GAB4: variants seen among roughly 807,000 people sequenced by gnomAD.
The protein encoded by GAB4 is GRB2 associated binding protein family member 4, also known as GRB2-associated-binding protein 4.
Under a neutral mutation model 51.3 loss-of-function variants are expected in GAB4, and 26 were observed. The observed-to-expected ratio is 0.51, with a 90% CI of 0.37 to 0.70. The LOEUF is 0.70. Among genes scored for constraint, GAB4 ranks in the 30% least tolerant of loss-of-function variants. GAB4 has a pLI of 0.00. For synonymous variants in GAB4, 329 were observed against 291.2 expected, an observed-to-expected ratio of 1.13 and a Z score of -1.32; for missense variants, 759 against 734.6, an observed-to-expected ratio of 1.03 and a Z score of -0.38.
At chr22:16,969,597 G>C in intron 4 of GAB4, 1 of 538,370 alleles carries the variant, frequency 1.9e-6, no homozygotes, top group Non-Finnish European at 3.3e-6. Flanking sequence ...GGGTCTCAGT[G>C]AGGGCTCATA....
At chr22:16,977,632 C>G (rs539899502) in intron 3 of GAB4, among the ~76,000 whole-genome samples, 17 of 152,278 alleles carry the variant, frequency 1.1e-4, no homozygotes, top group African/African-American at 3.9e-4. Context: ...AGAAAATTAA[C>G]AAGGATATTC....
At position 16,962,480 on chromosome 22, in the gene GAB4, G is replaced by T. The variant is rs80020649; in HGVS notation, c.*253C>A. 15 of 355,946 alleles carry T rather than the reference G, an allele frequency of 4.2e-5. No individual in the cohort carries two copies. The Admixed American group carries it at 4.3e-4, about 10-fold the overall frequency. 22.0% of individuals were successfully genotyped at this position (355,946 alleles called of 1,614,324 possible). ...TGAGTAAGTGTGAGAGTGGAAATCT[G>T]TTGGGAGCCCGGGTCTGAGGGGCAG... is the stretch of plus-strand genomic sequence containing the variant. On this transcript the variant is annotated 3_prime_UTR_variant, in exon 10 of 10. Transcript: ENST00000400588.
At chr22:16,994,103 C>T (rs2060933278) in intron 1 of GAB4, among the ~76,000 whole-genome samples, 1 of 152,164 alleles carries the variant, frequency 6.6e-6, no homozygotes, top group Admixed American at 6.5e-5. Context: ...CATTCTCTTC[C>T]AACTATGGCC....
intron 1 of GAB4, among the ~76,000 whole-genome samples, chr22:16,997,088 G>A (rs996866308): frequency 6.6e-6 from 1 of 152,058 alleles, no homozygotes; most frequent in African/African-American, 2.4e-5. Flanking sequence ...ATTGTGAATA[G>A]TGCCGCAATA....
chr22:16,971,442 T>C (rs943500997), intron 3 of GAB4, among the ~76,000 whole-genome samples: 1 of 152,260 alleles, frequency 6.6e-6, no homozygotes, highest in Admixed American at 6.5e-5. Context: ...TTCTACGTTC[T>C]GTGTGGGCGC....
intron 8 of GAB4, among the ~76,000 whole-genome samples, chr22:16,964,231 G>T (rs987214157): frequency 7.2e-5 from 11 of 152,202 alleles, no homozygotes; most frequent in African/African-American, 2.7e-4. Flanking sequence ...CACCTTGCTG[G>T]GACATTCCTG....
At chr22:16,983,170 C>T (rs1339951430) in intron 3 of GAB4, among the ~76,000 whole-genome samples, 2 of 124,066 alleles carry the variant, frequency 1.6e-5, no homozygotes, top group Non-Finnish European at 3.6e-5. Flanking sequence ...TGATGCATCA[C>T]TACCTTTCAA....
At chr22:16,976,008 A>G (rs1264679059) in intron 3 of GAB4, among the ~76,000 whole-genome samples, 2 of 152,218 alleles carry the variant, frequency 1.3e-5, no homozygotes, top group Non-Finnish European at 2.9e-5. Context: ...ACATCCACAC[A>G]AAAACCCTAT....
intron 1 of GAB4, among the ~76,000 whole-genome samples, chr22:16,994,649 C>T (rs1362934748): frequency 6.6e-6 from 1 of 152,182 alleles, no homozygotes; most frequent in Non-Finnish European, 1.5e-5. Flanking sequence ...TGTGATCTTG[C>T]TATATTCACC....
rs370222943 is a variant in GAB4, at chr22:16,968,490, A to C, written c.938-107T>G. The C allele has an allele frequency of 3.6e-4, 275 of 766,408 alleles. 1 individual carries two copies. The African/African-American group carries it at 4.0e-3, about 11-fold the overall frequency. 47.5% of individuals were successfully genotyped at this position (766,408 alleles called of 1,614,324 possible). A position where few individuals can be genotyped will look rare whatever the true frequency, so the allele number is the denominator to read the frequency against. On this transcript the variant is annotated intron_variant, in intron 4 of 9. Coordinates refer to ENST00000400588, the MANE Select transcript of GAB4 (RefSeq NM_001037814.1). ...GGGTCTCGCTGATGCTCTAGAGGAC[A>C]CGACTCTCAACCCCAAATGACAAAG...
At position 16,992,172 on chromosome 22, in the gene GAB4, C is replaced by CAG. The variant is rs899218465; in HGVS notation, c.177_178dup (p.Trp60SerfsTer38). 45 of 1,606,638 alleles carry CAG rather than the reference C, an allele frequency of 2.8e-5. No homozygotes were observed. Among genetic ancestry groups the CAG allele is most frequent in the Non-Finnish European group, 3.7e-5 (43 of 1,174,624 alleles). ...CCGCAGGATAAACCAGCGTTTCCTC[C>CAG]AGGCCTAAGGAAGGAGTAAGAAGAG... On this transcript the variant is annotated frameshift_variant, in exon 2 of 10. Transcript: ENST00000400588. LOFTEE classifies it high-confidence loss of function.
At chr22:16,967,253 G>A (rs4819926) in intron 5 of GAB4, 122,478 of 151,662 alleles carry the variant, frequency 0.81, 50,029 homozygotes, top group African/African-American at 0.94. Context: ...GTTTCCGGAT[G>A]CCGGAGCCAG....
chr22:16,966,013 G>A (rs2060669247), intron 6 of GAB4, 87 bp downstream of exon 6: 2 of 1,276,524 alleles, frequency 1.6e-6, no homozygotes, highest in African/African-American at 1.5e-5. Flanking sequence ...GCCAAAGTCA[G>A]ACGTTCCACA....
intron 5 of GAB4, chr22:16,966,709 T>C (rs2060679448): frequency 3.8e-6 from 1 of 261,612 alleles, no homozygotes; most frequent in Non-Finnish European, 7.4e-6. Flanking sequence ...AAGTGTATCT[T>C]GCAGAATGGG....
At chr22:16,973,133 T>A (rs1378670959) in intron 3 of GAB4, among the ~76,000 whole-genome samples, 1 of 152,168 alleles carries the variant, frequency 6.6e-6, no homozygotes, top group African/African-American at 2.4e-5. Context: ...TCTTAGATCC[T>A]CTATCTCCAA....
chr22:17,000,361 C>G (rs374429121), intron 1 of GAB4, among the ~76,000 whole-genome samples: 2 of 152,240 alleles, frequency 1.3e-5, no homozygotes, highest in South Asian at 2.1e-4. Context: ...ATAGTTAGCT[C>G]TTCTTGTTGA....
intron 2 of GAB4, among the ~76,000 whole-genome samples, chr22:16,990,475 C>T (rs2123703437): frequency 6.6e-6 from 1 of 152,296 alleles, no homozygotes; most frequent in Admixed American, 6.5e-5. Flanking sequence ...TCATTGCCCT[C>T]CCAATAAAGT....
intron 5 of GAB4, chr22:16,966,721 T>C (rs923316036): frequency 1.3e-5 from 3 of 236,824 alleles, no homozygotes; most frequent in Non-Finnish European, 2.5e-5. Context: ...CAGAATGGGG[T>C]GTGGGATCAC....
At chr22:16,997,897 T>C (rs1601287524) in intron 1 of GAB4, among the ~76,000 whole-genome samples, 1 of 152,238 alleles carries the variant, frequency 6.6e-6, no homozygotes, top group South Asian at 2.1e-4. Flanking sequence ...ATTTATTAAA[T>C]AGGGAATCCT....
Sources: allele counts gnomAD v4.1 joint callset (sites outside exome capture counted in the v4.1 genomes callset), GRCh38; gene constraint gnomAD v4.1.1; transcripts MANE v1.5; gene names NCBI Gene and HGNC (gene_info 2026-07-23, HGNC 2026-07-21).